CFAP43: variants seen among roughly 807,000 people sequenced by gnomAD.
CFAP43 encodes cilia and flagella associated protein 43, also known as cilia- and flagella-associated protein 43.
A neutral mutation model predicts 218.9 loss-of-function variants in CFAP43; 155 were observed. The ratio of observed to expected loss-of-function variants is 0.71; its 90% CI spans 0.62 to 0.81. CFAP43 has a LOEUF of 0.81. Ranked by LOEUF, CFAP43 falls within the 30% of genes least tolerant of loss-of-function variation. CFAP43 has a pLI of 0.00. For synonymous variants in CFAP43, 645 were observed against 681.3 expected (o/e 0.95, Z 0.83); for missense variants, 1,778 against 1,954.3 (o/e 0.91, Z 1.70).
intron 35 of CFAP43, chr10:104,132,584 C>A: frequency 1.1e-6 from 1 of 943,892 alleles, no homozygotes; most frequent in Non-Finnish European, 1.3e-6. Flanking sequence ...CATTGCACTC[C>A]ACCTGGGCAA....
intron 3 of CFAP43, among the ~76,000 whole-genome samples, chr10:104,222,217 G>C (rs1470213204): frequency 6.6e-6 from 1 of 152,118 alleles, no homozygotes; most frequent in African/African-American, 2.4e-5. Flanking sequence ...GGAGTCCCCA[G>C]GGTCCACGGA....
chr10:104,198,809 C>G (rs1168400284), intron 8 of CFAP43, among the ~76,000 whole-genome samples: 1 of 151,622 alleles, frequency 6.6e-6, no homozygotes, highest in Non-Finnish European at 1.5e-5. Flanking sequence ...CGCCACTGTG[C>G]TCGGCTAATT....
At chr10:104,224,482 C>T (rs750888471) in intron 3 of CFAP43, among the ~76,000 whole-genome samples, 5 of 151,700 alleles carry the variant, frequency 3.3e-5, no homozygotes, top group South Asian at 2.1e-4. Context: ...AATTTTAGGG[C>T]GGTGGCTCAT....
chr10:104,146,455 T>C (rs2087977411), intron 29 of CFAP43, 106 bp from the exon 30 acceptor site: 1 of 794,558 alleles, frequency 1.3e-6, no homozygotes, highest in East Asian at 2.5e-5. Context: ...ACAAGAGAAA[T>C]ATGTCTGTGA....
At position 104,143,618 on chromosome 10, in the gene CFAP43, G is replaced by A; in HGVS notation, c.3966C>T (p.His1322=). ...RRPRISKQKT[H]SETTSVVPFG... is the part of the protein sequence containing the mutation. ...AAGGGACAACGCTGGTTGTTTCTGA[G>A]TGCGTTTTCTGTTTGGAAATCCTGG... The change falls in exon 32 of 38, where the codon CAC becomes CAT. Residue 1322 remains histidine (H), a synonymous_variant. Transcript: ENST00000357060. 6.2e-7 allele frequency: 1 copy of A among 1,614,134 alleles called. No individual in the cohort carries two copies. Among genetic ancestry groups the A allele is most frequent in the Non-Finnish European group, 8.5e-7 (1 of 1,180,028 alleles).
intron 7 of CFAP43, among the ~76,000 whole-genome samples, chr10:104,205,231 AAAAAG>A (rs2090652194): frequency 1.3e-5 from 2 of 151,110 alleles, no homozygotes; most frequent in Admixed American, 1.3e-4. Context: ...AAAAAAAAAA[AAAAAG>A]AAAAGAAAAG....
rs150833636 is a variant in CFAP43, at chr10:104,197,049, C to T, written c.1213-116G>A. On this transcript the variant is annotated intron_variant, in intron 9 of 37. Transcript: ENST00000357060. ...TTAGTATAAAATTTCATTTTACTTA[C>T]GTGGATTATAAATACTTATTTTATC... is the stretch of plus-strand genomic sequence containing the variant. 7 of 704,486 alleles carry T rather than the reference C, an allele frequency of 9.9e-6. No individual in the cohort carries two copies. The Admixed American group carries it at 1.3e-4, about 13-fold the overall frequency. The allele number at this position is 704,486 out of a possible 1,614,324, so 43.6% of individuals were successfully genotyped here. A position where few individuals can be genotyped will look rare whatever the true frequency, so the allele number is the denominator to read the frequency against.
intron 27 of CFAP43, among the ~76,000 whole-genome samples, chr10:104,156,660 G>A (rs1028252356): frequency 6.6e-6 from 1 of 152,166 alleles, no homozygotes; most frequent in African/African-American, 2.4e-5. Context: ...AGACTAGAGA[G>A]CTCTCACAGT....
In CFAP43 at chr10:104,167,687, C is replaced by G. The variant is rs146139626; in HGVS notation, c.2742G>C (p.Thr914=). 1.9e-6 allele frequency: 3 copies of G among 1,611,814 alleles called. No homozygotes were observed. Among genetic ancestry groups the G allele is most frequent in the African/African-American group, 2.7e-5 (2 of 74,790 alleles). ...TTTCCAATTCTTTCAGCTCTTCAAC[C>G]GTGCGCGCTTTCATCGGGAAGTTTT... ...VVENFPMKAR[T]VEELKELERV... Residue 914 remains threonine, a synonymous_variant, in exon 22 of 38, where the codon ACG becomes ACC. Coordinates refer to ENST00000357060, the MANE Select transcript of CFAP43 (RefSeq NM_025145.7).
At chr10:104,136,968 CAAT>C (rs1225337790) in intron 34 of CFAP43, among the ~76,000 whole-genome samples, 1 of 152,056 alleles carries the variant, frequency 6.6e-6, no homozygotes, top group African/African-American at 2.4e-5. Flanking sequence ...AAAAGAGAAA[CAAT>C]AACAAGTTTT....
chr10:104,136,181 A>C (rs112496841), intron 34 of CFAP43, among the ~76,000 whole-genome samples: 31,398 of 142,576 alleles, frequency 0.22, 3,933 homozygotes, highest in African/African-American at 0.36. Context: ...AATCCGGGAC[A>C]TGGAGGTTGC....
intron 2 of CFAP43, among the ~76,000 whole-genome samples, chr10:104,227,749 A>C (rs1283191827): frequency 6.6e-6 from 1 of 151,742 alleles, no homozygotes; most frequent in Non-Finnish European, 1.5e-5. Flanking sequence ...ATACAATCAA[A>C]TATGTCTGTC....
intron 11 of CFAP43, chr10:104,193,295 G>C (rs1375781187): frequency 6.6e-6 from 1 of 152,198 alleles, no homozygotes; most frequent in African/African-American, 2.4e-5. Flanking sequence ...CTTTATGTGT[G>C]GATATAAAAC....
chr10:104,144,048 C>A (rs996602691), intron 31 of CFAP43, among the ~76,000 whole-genome samples: 2 of 152,156 alleles, frequency 1.3e-5, no homozygotes, highest in African/African-American at 4.8e-5. Context: ...AGTTTCATTT[C>A]CCTGTGCTTC....
In CFAP43 at chr10:104,230,603, C is replaced by T. The variant is rs2091423957; in HGVS notation, c.306G>A (p.Arg102=). 1.9e-6 allele frequency: 3 copies of T among 1,613,846 alleles called. No homozygotes were observed. The highest frequency in any genetic ancestry group is 1.3e-5 in the African/African-American group (1 of 75,028). ...YVYSFPGLTR[R]TKLKGNILLD... The stretch of plus-strand genomic sequence containing the variant: ...TCTCTAGAATACCTTTCAATTTGGT[C>T]CTTCTGGTCAATCCTGGAAAGCTGT... Residue 102 remains arginine (R), a synonymous_variant, in exon 2 of 38, where the codon AGG becomes AGA. Transcript: ENST00000357060.
At chr10:104,216,828 A>T (rs565297226) in intron 3 of CFAP43, among the ~76,000 whole-genome samples, 1 of 152,262 alleles carries the variant, frequency 6.6e-6, no homozygotes, top group Non-Finnish European at 1.5e-5. Flanking sequence ...ACCCTGCTAA[A>T]GATGGGATGC....
intron 21 of CFAP43, 46 bp downstream of exon 21, chr10:104,168,698 G>T (rs1181649758): frequency 6.8e-7 from 1 of 1,472,092 alleles, no homozygotes; most frequent in Non-Finnish European, 9.5e-7. Context: ...CTGAGCTTTT[G>T]ATGACAATTC....
chr10:104,152,776 C>T (rs764723542), intron 27 of CFAP43, 50 bp from the exon 28 acceptor site: 7 of 1,567,162 alleles, frequency 4.5e-6, no homozygotes, highest in African/African-American at 4.1e-5. Flanking sequence ...TTAAAGGCTC[C>T]TAGGAAGTGA....
chr10:104,191,984 C>T (rs2090239345), intron 12 of CFAP43, among the ~76,000 whole-genome samples: 1 of 152,028 alleles, frequency 6.6e-6, no homozygotes, highest in Non-Finnish European at 1.5e-5. Context: ...TTATTTAGCA[C>T]CAACTATGTA....
Sources: gnomAD v4.1 joint callset for allele counts (sites outside exome capture counted in the v4.1 genomes callset) on GRCh38, gnomAD v4.1.1 for gene constraint, MANE v1.5 for transcripts, NCBI Gene and HGNC (gene_info 2026-07-23, HGNC 2026-07-21) for gene names.